The following ZSWIM4 variants were observed in gnomAD, a reference collection of about 807,000 sequenced individuals.
ZSWIM4 encodes the protein zinc finger SWIM domain-containing protein 4.
In ZSWIM4, 62 loss-of-function variants were observed where a neutral mutation model predicts 102.5. That is an observed-to-expected ratio of 0.60 (90% CI 0.49 to 0.75). The LOEUF (loss-of-function observed/expected upper bound fraction) is 0.75. Among genes scored for constraint, ZSWIM4 ranks in the 30% least tolerant of loss-of-function variants. ZSWIM4 has a pLI of 0.00. For synonymous variants in ZSWIM4, 652 were observed against 674.5 expected (o/e 0.97, Z 0.52); for missense variants, 1,280 against 1,529.6 (o/e 0.84, Z 2.72).
At chr19:13,800,467 A>G (rs1443831141) in intron 2 of ZSWIM4, among the ~76,000 whole-genome samples, 9 of 151,630 alleles carry the variant, frequency 5.9e-5, no homozygotes, top group South Asian at 2.1e-4. Flanking sequence ...GGGTTTCACC[A>G]TGTTAGCCAG....
rs1237115293 is a variant in ZSWIM4 at position 13,830,608 on chromosome 19, C to T, written c.2879C>T (p.Ala960Val). The change falls in exon 14 of 14, where the codon GCC becomes GTC. Residue 960 changes from alanine (A) to valine (V), a missense_variant. Physicochemically the swap from Ala to Val is moderately conservative, Grantham distance 64. Transcript: ENST00000590508. ...GCCTTCAACCAGGACAGCCACCCTG[C>T]CGTCAACGACGTGCTTTGGGCCTGC... ...SIAFNQDSHP[A>V]VNDVLWACSL... The T allele has an allele frequency of 6.2e-7, 1 of 1,600,046 alleles. No homozygotes were observed. The highest frequency in any genetic ancestry group is 1.7e-5 in the Admixed American group (1 of 60,024).
At chr19:13,817,193 G>A (rs762774733) in intron 7 of ZSWIM4, 23 bp from the exon 8 acceptor site, 2 of 1,600,564 alleles carry the variant, frequency 1.2e-6, no homozygotes, top group South Asian at 1.1e-5. Context: ...TGTGGGCATT[G>A]AGCCCCCTCT....
At chr19:13,822,974 C>T (rs561812706) in intron 10 of ZSWIM4, among the ~76,000 whole-genome samples, 60 of 148,166 alleles carry the variant, frequency 4.0e-4, no homozygotes, top group Admixed American at 9.4e-4. Context: ...AGTGAAACTC[C>T]GTCTCAAAAA....
chr19:13,798,090 A>G (rs1040199566), intron 1 of ZSWIM4, among the ~76,000 whole-genome samples: 13 of 152,240 alleles, frequency 8.5e-5, no homozygotes, highest in Admixed American at 7.2e-4. Context: ...AATTACATAC[A>G]TAAAGTGTTC....
chr19:13,807,742 CATGGATGGATGCATGGATGG>C (rs1364413956), intron 3 of ZSWIM4, among the ~76,000 whole-genome samples: 1 of 123,616 alleles, frequency 8.1e-6, no homozygotes, highest in Non-Finnish European at 1.7e-5. Context: ...CAGATGGATG[CATGGATGGATGCATGGATGG>C]ATGGATGGAT....
intron 5 of ZSWIM4, among the ~76,000 whole-genome samples, chr19:13,812,202 T>A (rs957599252): frequency 1.3e-5 from 2 of 152,232 alleles, no homozygotes; most frequent in Non-Finnish European, 1.5e-5. Flanking sequence ...CGCAGACCCC[T>A]GCATGAGATG....
chr19:13,830,792 A>G lies in ZSWIM4; in HGVS notation c.3063A>G (p.Pro1021=). 1 of 1,605,750 alleles carries G rather than the reference A, an allele frequency of 6.2e-7. No homozygotes were observed. Reference sequence around the variant, plus strand: ...TAGGGGCACGCCGGGCCGCCAAGCCACTGGGTGCCGACCGGGCGCCGCTCT... The same window carrying G: ...TAGGGGCACGCCGGGCCGCCAAGCCGCTGGGTGCCGACCGGGCGCCGCTCT... The part of the protein sequence containing the change: ...GPLGARRAAK[P]LGADRAPLCQ... Residue 1021 remains proline, a synonymous_variant, in exon 14 of 14, where the codon CCA becomes CCG. Transcript: ENST00000590508.
intron 12 of ZSWIM4, 36 bp from the exon 13 acceptor site, chr19:13,828,609 C>A: frequency 6.2e-7 from 1 of 1,603,174 alleles, no homozygotes. Flanking sequence ...GCCCAAGACT[C>A]AGGCTAACCC....
At chr19:13,815,800 G>T (rs1009717945) in intron 7 of ZSWIM4, among the ~76,000 whole-genome samples, 2 of 151,806 alleles carry the variant, frequency 1.3e-5, no homozygotes, top group Admixed American at 1.3e-4. Context: ...TTAGCCAGGC[G>T]TGGTGGCGCA....
chr19:13,827,161 C>A (rs1179575464), intron 12 of ZSWIM4, among the ~76,000 whole-genome samples: 1 of 151,952 alleles, frequency 6.6e-6, no homozygotes, highest in Non-Finnish European at 1.5e-5. Flanking sequence ...ATGGTGCACC[C>A]CTGTAGTCCC....
chr19:13,831,095 GT>G lies in ZSWIM4; in HGVS notation c.*46del. 6.6e-7 allele frequency: 1 copy of G among 1,514,806 alleles called. No individual in the cohort carries two copies. The highest frequency in any genetic ancestry group is 8.8e-7 in the Non-Finnish European group (1 of 1,138,644). 93.8% of individuals were successfully genotyped at this position (1,514,806 alleles called of 1,614,324 possible). A position where few individuals can be genotyped will look rare whatever the true frequency, so the allele number is the denominator to read the frequency against. On this transcript the variant is annotated 3_prime_UTR_variant, in exon 14 of 14. Transcript: ENST00000590508. ...GAGTGGGGATCCCCCTCGCCCCTGC[GT>G]CCCCCACCCTTGCTCTCCAATTAGG...
intron 6 of ZSWIM4, 38 bp from the exon 7 acceptor site, chr19:13,814,477 C>G: frequency 2.8e-6 from 3 of 1,086,994 alleles, no homozygotes; most frequent in South Asian, 1.9e-5. Context: ...GCTATAGGGA[C>G]CCCCCCTCAC....
intron 9 of ZSWIM4, among the ~76,000 whole-genome samples, chr19:13,819,130 C>G (rs1160386029): frequency 6.6e-6 from 1 of 152,194 alleles, no homozygotes; most frequent in Non-Finnish European, 1.5e-5. Context: ...TCCCAAAGTG[C>G]TGGGATTACA....
intron 10 of ZSWIM4, among the ~76,000 whole-genome samples, chr19:13,820,649 T>C (rs113928954): frequency 2.7e-4 from 41 of 152,360 alleles, no homozygotes; most frequent in African/African-American, 9.6e-4. Context: ...TCTCTCCGGA[T>C]GCAAGCAGGG....
At chr19:13,801,878 C>T (rs1306144747) in intron 2 of ZSWIM4, among the ~76,000 whole-genome samples, 1 of 151,398 alleles carries the variant, frequency 6.6e-6, no homozygotes, top group East Asian at 1.9e-4. Flanking sequence ...ACCATGTTGG[C>T]CAGGCTGGTC....
intron 10 of ZSWIM4, 111 bp from the exon 11 acceptor site, chr19:13,823,235 A>C: frequency 8.7e-7 from 1 of 1,144,724 alleles, no homozygotes; most frequent in Non-Finnish European, 1.2e-6. Context: ...TTGGGCTCTC[A>C]GGGCTCTGCT....
chr19:13,803,475 A>G (rs780322089), intron 2 of ZSWIM4, among the ~76,000 whole-genome samples: 1 of 152,084 alleles, frequency 6.6e-6, no homozygotes, highest in African/African-American at 2.4e-5. Context: ...GATACTATTC[A>G]TAATTAAAAT....
At chr19:13,826,769 A>T (rs1975622655) in intron 12 of ZSWIM4, among the ~76,000 whole-genome samples, 2 of 151,964 alleles carry the variant, frequency 1.3e-5, no homozygotes, top group East Asian at 3.9e-4. Flanking sequence ...CGTCTTGGGG[A>T]AGAAAAAAAA....
chr19:13,819,607 G>A, intron 10 of ZSWIM4, 115 bp downstream of exon 10: 1 of 1,245,150 alleles, frequency 8.0e-7, no homozygotes, highest in African/African-American at 1.5e-5. Context: ...AGTTAATTCA[G>A]TCTCTCTCAC....
Sources: allele counts gnomAD v4.1 joint callset (sites outside exome capture counted in the v4.1 genomes callset), GRCh38; gene constraint gnomAD v4.1.1; transcripts MANE v1.5; gene names NCBI Gene and HGNC (gene_info 2026-07-23, HGNC 2026-07-21).